PIGV: variants seen among roughly 807,000 people sequenced by gnomAD.
PIGV encodes GPI alpha-1,6-mannosyltransferase 2.
In PIGV, 27 loss-of-function variants were observed where a neutral mutation model predicts 39.2. That is an observed-to-expected ratio of 0.69 (90% CI 0.51 to 0.95). PIGV has a LOEUF of 0.95. Ranked by LOEUF, PIGV falls within the 40% of genes least tolerant of loss-of-function variation. The pLI is 0.00. For missense variants in PIGV, 523 were observed against 586.4 expected (o/e 0.89, Z 1.12); for synonymous variants, 232 against 241.7 (o/e 0.96, Z 0.37).
At chr1:26,795,441 G>A (rs890755516) in intron 3 of PIGV, among the ~76,000 whole-genome samples, 5 of 152,084 alleles carry the variant, frequency 3.3e-5, no homozygotes, top group South Asian at 2.1e-4. Context: ...GGCCAGGCGC[G>A]GTGGCTCACA....
chr1:26,794,574 C>A lies in PIGV; in HGVS notation c.540C>A (p.Ala180=), dbSNP rs2081354980. ...EALFALLTFS[A]MGQLERGRVW... ...TGTTTGCCCTCCTGACATTCAGTGC[C>A]ATGGGGCAGCTGGAGAGGGGCCGAG... is the stretch of plus-strand genomic sequence containing the variant. Residue 180 remains alanine, a synonymous_variant, in exon 3 of 4, where the codon GCC becomes GCA. Coordinates refer to ENST00000674202, the MANE Select transcript of PIGV (RefSeq NM_017837.4). 1 of 1,614,114 alleles carries A rather than the reference C, an allele frequency of 6.2e-7. No individual in the cohort carries two copies. Among genetic ancestry groups the A allele is most frequent in the Non-Finnish European group, 8.5e-7 (1 of 1,180,046 alleles).
intron 1 of PIGV, among the ~76,000 whole-genome samples, chr1:26,790,290 G>A (rs1391024410): frequency 6.6e-6 from 1 of 152,044 alleles, no homozygotes; most frequent in Non-Finnish European, 1.5e-5. Context: ...AAGGGCACAC[G>A]CCAAATAATA....
chr1:26,787,239 C>A (rs552026618), upstream of PIGV, among the ~76,000 whole-genome samples: 1 of 152,210 alleles, frequency 6.6e-6, no homozygotes, highest in Non-Finnish European at 1.5e-5. Context: ...GCCGCTCCCC[C>A]CAATAGACGG....
At chr1:26,792,429 G>A (rs897560364) in intron 2 of PIGV, among the ~76,000 whole-genome samples, 6 of 151,418 alleles carry the variant, frequency 4.0e-5, no homozygotes, top group South Asian at 4.2e-4. Flanking sequence ...CCGGGTTCAC[G>A]CCATTCTCCT....
chr1:26,793,080 C>G (rs2081333287), intron 2 of PIGV, among the ~76,000 whole-genome samples: 1 of 152,190 alleles, frequency 6.6e-6, no homozygotes, highest in Admixed American at 6.5e-5. Flanking sequence ...ACCGTCTGTC[C>G]TCTTCTCTAA....
rs1557628949 is a variant in PIGV, at chr1:26,795,199, C to CT, written c.1166dup (p.Leu390AlafsTer122). 6.2e-7 allele frequency: 1 copy of CT among 1,613,924 alleles called. No homozygotes were observed. Reference sequence around the variant, plus strand: ...TGTGTACGTGGTCCACGCTGCAGTGCTGCTGCTGTTTGGAGGTCTGTGCAT... The same window carrying CT: ...TGTGTACGTGGTCCACGCTGCAGTGCTTGCTGCTGTTTGGAGGTCTGTGCAT... On this transcript the variant is annotated frameshift_variant, in exon 3 of 4. Transcript: ENST00000674202. LOFTEE classifies it high-confidence loss of function.
rs201121029 is a variant in PIGV, at chr1:26,794,302, G to A, written c.268G>A (p.Gly90Ser). Reference sequence around the variant, plus strand: ...TGAGCACAACTTTGCCTTCTTTCCTGGTTTCCCCTTGGCCCTGCTGGTGGG... The same window carrying A: ...TGAGCACAACTTTGCCTTCTTTCCTAGTTTCCCCTTGGCCCTGCTGGTGGG... ...LYEHNFAFFP[G>S]FPLALLVGTE... Residue 90 changes from glycine to serine, a missense_variant, in exon 3 of 4, where the codon GGT becomes AGT. Gly to Ser is a moderately conservative substitution (Grantham distance 56). Transcript: ENST00000674202. The A allele has an allele frequency of 1.9e-6, 3 of 1,614,214 alleles. No homozygotes were observed. In the Admixed American group the frequency reaches 5.0e-5, roughly 27 times the overall value.
chr1:26,796,441 T>C (rs920936411), intron 3 of PIGV, among the ~76,000 whole-genome samples: 1 of 152,144 alleles, frequency 6.6e-6, no homozygotes, highest in African/African-American at 2.4e-5. Flanking sequence ...GTGTTGGGAT[T>C]ATAGGCACGA....
upstream of PIGV, chr1:26,787,402 G>A (rs1454763318): frequency 1.3e-5 from 2 of 152,232 alleles, no homozygotes; most frequent in African/African-American, 2.4e-5. Context: ...TGGGGCTGAG[G>A]ACTAAAGTAG....
In PIGV at chr1:26,797,411, T is replaced by C. The variant is rs1225312320; in HGVS notation, c.1201-152T>C. On this transcript the variant is annotated intron_variant, in intron 3 of 3. Transcript: ENST00000674202. ...TGTACATACATCTTTCTAAGACAGA[T>C]CCTAAGCTGTGTTCAATTTCTTTTC... 13 of 733,304 alleles carry C rather than the reference T, an allele frequency of 1.8e-5. No individual in the cohort carries two copies. The Admixed American group carries it at 2.5e-4, about 14-fold the overall frequency. 45.4% of individuals were successfully genotyped at this position (733,304 alleles called of 1,614,324 possible). A position where few individuals can be genotyped will look rare whatever the true frequency, so the allele number is the denominator to read the frequency against.
In PIGV at chr1:26,798,982, T is replaced by A. The variant is rs532003214; in HGVS notation, c.*1138T>A. Among the ~76,000 whole-genome samples the A allele has an allele frequency of 7.9e-5, 12 of 152,286 alleles. No individual in the cohort carries two copies. In the South Asian group the frequency reaches 1.7e-3, roughly 21 times the overall value. ...ATGATGCAGTCTCTTGTAGGTCCCT[T>A]TCTGCTCTAACATCTTAAGAACTGC... On this transcript the variant is annotated 3_prime_UTR_variant, in exon 4 of 4. Transcript: ENST00000674202.
chr1:26,788,969 C>T (rs2081276156), intron 1 of PIGV: 1 of 152,168 alleles, frequency 6.6e-6, no homozygotes, highest in African/African-American at 2.4e-5. Flanking sequence ...TCTGTAGTCG[C>T]TGAGGCTAGA....
intron 3 of PIGV, among the ~76,000 whole-genome samples, chr1:26,795,993 G>T (rs1299197047): frequency 6.6e-6 from 1 of 151,106 alleles, no homozygotes; most frequent in African/African-American, 2.4e-5. Flanking sequence ...CGAGTAGCTG[G>T]AATTCCAGGC....
intron 1 of PIGV, chr1:26,788,610 G>A (rs1214448854): frequency 2.6e-5 from 4 of 152,244 alleles, no homozygotes; most frequent in African/African-American, 7.2e-5. Flanking sequence ...CTTTGGCGAG[G>A]GATGCGGGCT....
At position 26,798,806 on chromosome 1, in the gene PIGV, A is replaced by G. The variant is rs1424719706; in HGVS notation, c.*962A>G. The stretch of plus-strand genomic sequence containing the variant: ...TAATATAAATCAGCTGGGGGAAAAA[A>G]GGGTAAGAAGAAGGCATCAGGAACC... On this transcript the variant is annotated 3_prime_UTR_variant, in exon 4 of 4. Coordinates refer to ENST00000674202, the MANE Select transcript of PIGV (RefSeq NM_017837.4). Among the ~76,000 whole-genome samples, 1 of 152,252 alleles carries G rather than the reference A, an allele frequency of 6.6e-6. No homozygotes were observed. The highest frequency in any genetic ancestry group is 2.4e-5 in the African/African-American group (1 of 41,466).
At position 26,795,248 on chromosome 1, in the gene PIGV, C is replaced by T; in HGVS notation, c.1200+14C>T. 6.2e-7 allele frequency: 1 copy of T among 1,613,286 alleles called. No homozygotes were observed. Among genetic ancestry groups the T allele is most frequent in the Non-Finnish European group, 8.5e-7 (1 of 1,180,028 alleles). On this transcript the variant is annotated intron_variant, in intron 3 of 3. Transcript: ENST00000674202. Reference sequence around the variant, plus strand: ...ATGCATGTTCAGGTGAGGTGGATTCCTGACTGGGATAAGGATGTGAATACA... The same window carrying T: ...ATGCATGTTCAGGTGAGGTGGATTCTTGACTGGGATAAGGATGTGAATACA...
chr1:26,791,911 C>T (rs2081314112), intron 2 of PIGV, among the ~76,000 whole-genome samples: 1 of 152,230 alleles, frequency 6.6e-6, no homozygotes, highest in African/African-American at 2.4e-5. Context: ...CAACCAGCAT[C>T]AGCTGGGTTA....
Position 26,794,391 on chromosome 1 carries a change from A to G in PIGV, c.357A>G (p.Val119=), listed in dbSNP as rs1284459561. The G allele has an allele frequency of 1.2e-6, 2 of 1,614,252 alleles. No individual in the cohort carries two copies. Among genetic ancestry groups the G allele is most frequent in the East Asian group, 4.5e-5 (2 of 44,894 alleles). The part of the protein sequence containing the change: ...LSLRSCLLIS[V]ASLNFLFFML... ...TACGCAGTTGCCTGCTGATTTCGGT[A>G]GCATCACTCAATTTCTTGTTCTTCA... The change falls in exon 3 of 4, where the codon GTA becomes GTG. Residue 119 remains valine, a synonymous_variant. Transcript: ENST00000674202.
Position 26,790,819 on chromosome 1 carries a change from T to C in PIGV, c.4T>C (p.Trp2Arg), listed in dbSNP as rs746851628. 6.2e-7 allele frequency: 1 copy of C among 1,613,648 alleles called. No homozygotes were observed. The highest frequency in any genetic ancestry group is 1.1e-5 in the South Asian group (1 of 91,076). The change falls in exon 2 of 4, where the codon TGG becomes CGG. Residue 2 changes from tryptophan (W) to arginine (R), a missense_variant. By Grantham distance (101) the Trp-to-Arg change is moderately radical. Transcript: ENST00000674202. ...CTGAATTCCTGGTGGTGAAAGGATG[T>C]GGCCCCAGGACCCATCCCGGAAGGA... M[W>R]PQDPSRKEVL...
Sources: allele counts gnomAD v4.1 joint callset (sites outside exome capture counted in the v4.1 genomes callset), GRCh38; gene constraint gnomAD v4.1.1; transcripts MANE v1.5; gene names NCBI Gene and HGNC (gene_info 2026-07-23, HGNC 2026-07-21).